NSMCE2: variants seen among roughly 807,000 people sequenced by gnomAD.
NSMCE2 encodes the protein NSE2 SUMO ligase component of SMC5/6 complex.
In NSMCE2, 24 loss-of-function variants were observed where a neutral mutation model predicts 23.8. That is an observed-to-expected ratio of 1.01 (90% confidence interval 0.73 to 1.42). NSMCE2 has a LOEUF of 1.42. Among genes scored for constraint, NSMCE2 ranks in the 40% most tolerant of loss-of-function variants. The pLI, the probability that NSMCE2 is intolerant of heterozygous loss-of-function variation, is 0.00. For synonymous variants in NSMCE2, 92 were observed against 94.1 expected (o/e 0.98, Z 0.13); for missense variants, 284 against 296.5 (o/e 0.96, Z 0.31).
At chr8:125,346,521 T>C (rs1417048825) in intron 5 of NSMCE2, among the ~76,000 whole-genome samples, 1 of 152,238 alleles carries the variant, frequency 6.6e-6, no homozygotes, top group Non-Finnish European at 1.5e-5. Flanking sequence ...TGGAAAATTG[T>C]AGACCTTCTC....
chr8:125,153,056 CAAAAAAAAAAAAAAA>C (rs768246218), intron 4 of NSMCE2, among the ~76,000 whole-genome samples: 2 of 47,456 alleles, frequency 4.2e-5, no homozygotes, highest in Middle Eastern at 0.016. Context: ...GACTCCGTCT[CAAAAAAAAAAAAAAA>C]AAAAAAAAAA....
chr8:125,259,166 A>C (rs1826571905), intron 5 of NSMCE2, among the ~76,000 whole-genome samples: 1 of 152,142 alleles, frequency 6.6e-6, no homozygotes, highest in South Asian at 2.1e-4. Flanking sequence ...CTGGGATTAC[A>C]GGTGTGAGCC....
rs569110160 is a variant in NSMCE2, at chr8:125,201,840, G to A, written c.418+19584G>A. On this transcript the variant is annotated intron_variant, in intron 5 of 7. Coordinates refer to ENST00000287437, the MANE Select transcript of NSMCE2 (RefSeq NM_173685.4). The stretch of plus-strand genomic sequence containing the variant: ...GCAGTAGCCCTTGATGAGCTGTGGT[G>A]GGCTCCCCCAAGTTCAAGCTTCTCA... Among the ~76,000 whole-genome samples the A allele has an allele frequency of 1.3e-4, 20 of 152,338 alleles. No individual in the cohort carries two copies. The South Asian group carries it at 3.5e-3, about 27-fold the overall frequency.
chr8:125,304,577 C>T (rs1828681778), intron 5 of NSMCE2, among the ~76,000 whole-genome samples: 1 of 152,114 alleles, frequency 6.6e-6, no homozygotes, highest in Admixed American at 6.5e-5. Flanking sequence ...AGAATTGAGG[C>T]TGGGTGCGGT....
intron 4 of NSMCE2, among the ~76,000 whole-genome samples, chr8:125,154,423 G>A (rs1038179124): frequency 2.7e-5 from 4 of 150,008 alleles, no homozygotes; most frequent in Non-Finnish European, 4.4e-5. Context: ...GTTACCTTCC[G>A]TTGTCTCTCA....
intron 3 of NSMCE2, among the ~76,000 whole-genome samples, chr8:125,145,577 G>A (rs940383964): frequency 5.3e-5 from 8 of 152,162 alleles, no homozygotes; most frequent in Admixed American, 2.6e-4. Flanking sequence ...AGGGCTGGCT[G>A]TAATAAATAA....
intron 5 of NSMCE2, among the ~76,000 whole-genome samples, chr8:125,342,150 G>T (rs1467781310): frequency 1.3e-5 from 2 of 152,148 alleles, no homozygotes; most frequent in East Asian, 3.9e-4. Flanking sequence ...CACAGCCTAG[G>T]CTCATAGACA....
At chr8:125,111,236 A>G (rs927660461) in intron 3 of NSMCE2, among the ~76,000 whole-genome samples, 1 of 152,226 alleles carries the variant, frequency 6.6e-6, no homozygotes, top group Non-Finnish European at 1.5e-5. Flanking sequence ...GTGAAAAATT[A>G]CATGGTCAGG....
At chr8:125,153,849 T>C (rs1211992280) in intron 4 of NSMCE2, among the ~76,000 whole-genome samples, 1 of 152,200 alleles carries the variant, frequency 6.6e-6, no homozygotes, top group Non-Finnish European at 1.5e-5. Flanking sequence ...ACAGAACCCC[T>C]TAGAGAGATG....
At chr8:125,131,791 A>G (rs12682185) in intron 3 of NSMCE2, among the ~76,000 whole-genome samples, 15,026 of 152,210 alleles carry the variant, frequency 0.099, 952 homozygotes, top group South Asian at 0.17. Context: ...CATCCCAAGT[A>G]ATTCTGATAC....
chr8:125,302,021 A>C (rs563904636), intron 5 of NSMCE2, among the ~76,000 whole-genome samples: 1 of 151,606 alleles, frequency 6.6e-6, no homozygotes, highest in South Asian at 2.1e-4. Flanking sequence ...GTGCAGTGGC[A>C]CAATCTCAGC....
At chr8:125,337,391 T>C (rs1194161029) in intron 5 of NSMCE2, among the ~76,000 whole-genome samples, 3 of 152,240 alleles carry the variant, frequency 2.0e-5, no homozygotes, top group Non-Finnish European at 4.4e-5. Flanking sequence ...ATTTTCAGAA[T>C]GTTAGTAATA....
At chr8:125,355,697 C>T (rs922021496) in intron 5 of NSMCE2, among the ~76,000 whole-genome samples, 10 of 94,300 alleles carry the variant, frequency 1.1e-4, no homozygotes, top group African/African-American at 1.4e-4. Flanking sequence ...GAGACTCCAT[C>T]TCAAAAAAAA....
intron 3 of NSMCE2, among the ~76,000 whole-genome samples, chr8:125,129,388 G>A (rs941841507): frequency 2.0e-5 from 3 of 152,146 alleles, no homozygotes; most frequent in African/African-American, 7.2e-5. Flanking sequence ...TACAGATCAG[G>A]AAATTGAGGC....
At chr8:125,327,436 T>A (rs1829714172) in intron 5 of NSMCE2, among the ~76,000 whole-genome samples, 1 of 152,204 alleles carries the variant, frequency 6.6e-6, no homozygotes, top group Non-Finnish European at 1.5e-5. Context: ...GCTTTAAAGA[T>A]AATTCTGGGT....
intron 3 of NSMCE2, among the ~76,000 whole-genome samples, chr8:125,148,843 A>G (rs1339101584): frequency 6.6e-6 from 1 of 152,222 alleles, no homozygotes; most frequent in Non-Finnish European, 1.5e-5. Context: ...CCCCTAATCA[A>G]TTTACTGAAA....
At chr8:125,102,263 G>A in intron 2 of NSMCE2, 54 bp from the exon 3 acceptor site, 1 of 1,151,724 alleles carries the variant, frequency 8.7e-7, no homozygotes, top group Non-Finnish European at 1.3e-6. Context: ...ATATTTTCCT[G>A]TGCAGTTATT....
At chr8:125,189,022 A>G (rs557966722) in intron 5 of NSMCE2, among the ~76,000 whole-genome samples, 2 of 152,376 alleles carry the variant, frequency 1.3e-5, no homozygotes, top group South Asian at 4.1e-4. Flanking sequence ...TATTGAGTGC[A>G]TTTAAACTGG....
intron 3 of NSMCE2, among the ~76,000 whole-genome samples, chr8:125,115,948 G>A (rs560358404): frequency 1.3e-5 from 2 of 152,268 alleles, no homozygotes; most frequent in East Asian, 3.9e-4. Context: ...CTCCACAGAA[G>A]GGGAAATTAG....
Sources: allele counts gnomAD v4.1 joint callset (sites outside exome capture counted in the v4.1 genomes callset), GRCh38; gene constraint gnomAD v4.1.1; transcripts MANE v1.5; gene names NCBI Gene and HGNC (gene_info 2026-07-23, HGNC 2026-07-21).